The following NTRK3 variants were observed in gnomAD, a reference collection of about 807,000 sequenced individuals.
NTRK3 encodes NT-3 growth factor receptor.
A neutral mutation model predicts 91.7 loss-of-function variants in NTRK3; 24 were observed. The ratio of observed to expected loss-of-function variants is 0.26; its 90% CI spans 0.19 to 0.37. The LOEUF is 0.37. Among genes scored for constraint, NTRK3 ranks in the 10% least tolerant of loss-of-function variants. The probability of loss-of-function intolerance (pLI) is 1.00; values close to 1 mark genes in which losing one functional copy is unlikely to be tolerated. For synonymous variants in NTRK3, 483 were observed against 404.0 expected (o/e 1.20, Z -2.34); for missense variants, 880 against 1,068.9 (o/e 0.82, Z 2.46).
chr15:88,017,175 G>GATT (rs1246914198), intron 14 of NTRK3, among the ~76,000 whole-genome samples: 1 of 152,082 alleles, frequency 6.6e-6, no homozygotes, highest in Non-Finnish European at 1.5e-5. Context: ...GGAGGTCTCT[G>GATT]ATTATTATTT....
chr15:88,238,189 A>T (rs899896398), intron 3 of NTRK3, among the ~76,000 whole-genome samples: 1 of 152,190 alleles, frequency 6.6e-6, no homozygotes, highest in Non-Finnish European at 1.5e-5. Context: ...CAGCCTCCGG[A>T]ACCATAAAAA....
intron 13 of NTRK3, among the ~76,000 whole-genome samples, chr15:88,063,324 A>AT (rs992384535): frequency 2.0e-5 from 3 of 152,212 alleles, no homozygotes; most frequent in African/African-American, 7.2e-5. Context: ...GGCCAGACAG[A>AT]GCTGTTGGTG....
intron 13 of NTRK3, among the ~76,000 whole-genome samples, chr15:88,057,978 C>T (rs887459404): frequency 3.3e-5 from 5 of 152,184 alleles, no homozygotes; most frequent in Non-Finnish European, 7.3e-5. Flanking sequence ...AGGAAAAGGG[C>T]GGGCCAGGGA....
chr15:87,967,955 G>A (rs2072929485), intron 14 of NTRK3, among the ~76,000 whole-genome samples: 2 of 152,184 alleles, frequency 1.3e-5, no homozygotes, highest in Admixed American at 1.3e-4. Context: ...TTTGATTTCA[G>A]AATCTGCTTG....
Position 88,176,222 on chromosome 15 carries a change from C to T in NTRK3, c.395+7196G>A, listed in dbSNP as rs557987919. ...CATGATTTCAGCTCACTGCAACCTC[C>T]GCCTCCCAGGTTCAAGTGATTCTCC... On this transcript the variant is annotated intron_variant, in intron 5 of 18. Transcript: ENST00000394480. Among the ~76,000 whole-genome samples, 5 of 149,900 alleles carry T rather than the reference C, an allele frequency of 3.3e-5. No homozygotes were observed. In the South Asian group the frequency reaches 8.4e-4, roughly 25 times the overall value.
chr15:87,959,191 C>T (rs1471778538), intron 14 of NTRK3, among the ~76,000 whole-genome samples: 2 of 152,156 alleles, frequency 1.3e-5, no homozygotes, highest in Admixed American at 6.5e-5. Context: ...GAACTGCCGC[C>T]GTCGGATAAT....
At chr15:88,043,706 T>G (rs1353693982) in intron 13 of NTRK3, among the ~76,000 whole-genome samples, 1 of 152,200 alleles carries the variant, frequency 6.6e-6, no homozygotes, top group Non-Finnish European at 1.5e-5. Context: ...AAAACCCCAC[T>G]AGGTGATCCT....
chr15:88,231,604 C>T lies in NTRK3; in HGVS notation c.248+24302G>A, dbSNP rs192648683. On this transcript the variant is annotated intron_variant, in intron 3 of 18. Coordinates refer to ENST00000394480, the Ensembl canonical transcript of NTRK3. ...GTTTCAAAGGCTGGTGTTTCTGCCTCGATTTCACTCAATGCGAGCATCCAT... is the reference window on the plus strand; with the variant it reads ...GTTTCAAAGGCTGGTGTTTCTGCCTTGATTTCACTCAATGCGAGCATCCAT... Among the ~76,000 whole-genome samples the T allele has an allele frequency of 7.1e-4, 108 of 152,274 alleles. 1 individual carries two copies. Among genetic ancestry groups the T allele is most frequent in the African/African-American group, 2.4e-3 (98 of 41,546 alleles).
chr15:88,195,308 T>C (rs2047724201), intron 3 of NTRK3, among the ~76,000 whole-genome samples: 1 of 152,258 alleles, frequency 6.6e-6, no homozygotes, highest in East Asian at 1.9e-4. Flanking sequence ...GTCTCTCTCC[T>C]AATGCATTGC....
chr15:88,113,092 C>A (rs1474852584), intron 13 of NTRK3, among the ~76,000 whole-genome samples: 1 of 152,132 alleles, frequency 6.6e-6, no homozygotes, highest in Non-Finnish European at 1.5e-5. Flanking sequence ...TTCAGACCAA[C>A]CCAGTCATTA....
intron 3 of NTRK3, among the ~76,000 whole-genome samples, chr15:88,253,688 G>T (rs2053677312): frequency 6.6e-6 from 1 of 152,144 alleles, no homozygotes. Flanking sequence ...TTGTTCTTTG[G>T]TGTTGGGTGG....
rs754647979 is a variant in NTRK3, at chr15:87,880,443, G to C, written c.2134-15C>G. 1.2e-6 allele frequency: 2 copies of C among 1,613,482 alleles called. No individual in the cohort carries two copies. Among genetic ancestry groups the C allele is most frequent in the African/African-American group, 2.7e-5 (2 of 74,882 alleles). ...TGTCCTCCCACCTAAAAGGGGTTGA[G>C]ATAGAGGCACACAGAGTGACCAGAT... is the stretch of plus-strand genomic sequence containing the variant. On this transcript the variant is annotated splice_polypyrimidine_tract_variant and intron_variant, in intron 17 of 18. Coordinates refer to ENST00000394480, the Ensembl canonical transcript of NTRK3.
At chr15:87,994,093 T>A (rs1430891658) in intron 14 of NTRK3, among the ~76,000 whole-genome samples, 2 of 152,066 alleles carry the variant, frequency 1.3e-5, no homozygotes, top group East Asian at 3.9e-4. Context: ...GGGATTGTAG[T>A]GAGGGAGTGG....
intron 7 of NTRK3, 120 bp from the exon 8 acceptor site, chr15:88,136,729 T>A (rs1294587431): frequency 1.6e-6 from 2 of 1,255,158 alleles, no homozygotes; most frequent in Admixed American, 4.5e-5. Context: ...TAACACCACC[T>A]GCTTGAGTTC....
intron 5 of NTRK3, among the ~76,000 whole-genome samples, chr15:88,177,078 C>T (rs1351973297): frequency 6.6e-6 from 1 of 152,146 alleles, no homozygotes; most frequent in Non-Finnish European, 1.5e-5. Flanking sequence ...TGGGAATGAG[C>T]TTGGCACATT....
At chr15:87,952,984 C>A (rs1458650671) in intron 14 of NTRK3, among the ~76,000 whole-genome samples, 1 of 152,158 alleles carries the variant, frequency 6.6e-6, no homozygotes, top group Non-Finnish European at 1.5e-5. Flanking sequence ...CTCAGCGCAG[C>A]CAGCAGATTC....
intron 14 of NTRK3, among the ~76,000 whole-genome samples, chr15:87,996,201 A>G (rs1190646536): frequency 6.6e-6 from 1 of 152,154 alleles, no homozygotes; most frequent in African/African-American, 2.4e-5. Flanking sequence ...GTGAGATCGC[A>G]CCACTGCACT....
At chr15:88,210,239 G>C (rs1483498762) in intron 3 of NTRK3, among the ~76,000 whole-genome samples, 2 of 152,190 alleles carry the variant, frequency 1.3e-5, no homozygotes, top group Non-Finnish European at 2.9e-5. Context: ...CTCTCAAAGG[G>C]AGGCAGCCTC....
chr15:88,197,295 C>G (rs1299476235), intron 3 of NTRK3, among the ~76,000 whole-genome samples: 1 of 152,054 alleles, frequency 6.6e-6, no homozygotes, highest in Non-Finnish European at 1.5e-5. Context: ...CTTCCCTTGT[C>G]TTTTTATTTC....
Sources: gnomAD v4.1 joint callset for allele counts (sites outside exome capture counted in the v4.1 genomes callset) on GRCh38, gnomAD v4.1.1 for gene constraint, MANE v1.5 for transcripts, NCBI Gene and HGNC (gene_info 2026-07-23, HGNC 2026-07-21) for gene names.